AFF3: variants seen among roughly 807,000 people sequenced by gnomAD.
The protein encoded by AFF3 is ALF transcription elongation factor 3.
A neutral mutation model predicts 129.7 loss-of-function variants in AFF3; 32 were observed. The observed-to-expected ratio is 0.25, with a 90% CI of 0.19 to 0.33. The LOEUF (loss-of-function observed/expected upper bound fraction) is 0.33. Ranked by LOEUF, AFF3 falls within the 10% of genes least tolerant of loss-of-function variation. The pLI, the probability that AFF3 is intolerant of heterozygous loss-of-function variation, is 1.00. For missense variants in AFF3, 1,373 were observed against 1,592.0 expected, an observed-to-expected ratio of 0.86 and a Z score of 2.34; for synonymous variants, 644 against 635.4, an observed-to-expected ratio of 1.01 and a Z score of -0.20.
intron 10 of AFF3, among the ~76,000 whole-genome samples, chr2:99,730,301 T>C (rs545401389): frequency 1.3e-5 from 2 of 152,294 alleles, no homozygotes; most frequent in South Asian, 2.1e-4. Context: ...TTTAACGCAA[T>C]GTACAGAGGA....
At chr2:99,700,001 G>A (rs140302540) in intron 11 of AFF3, among the ~76,000 whole-genome samples, 2 of 152,328 alleles carry the variant, frequency 1.3e-5, no homozygotes, top group Non-Finnish European at 2.9e-5. Flanking sequence ...CTCATTTAGC[G>A]TGGAAGAAAG....
chr2:99,750,502 C>A (rs980684523), intron 9 of AFF3, among the ~76,000 whole-genome samples: 1 of 150,694 alleles, frequency 6.6e-6, no homozygotes, highest in Admixed American at 6.6e-5. Context: ...GTAGCCTCGA[C>A]CTCCTGGGCT....
chr2:99,570,722 A>AGGGCC (rs1412905695), intron 18 of AFF3, among the ~76,000 whole-genome samples: 1 of 152,030 alleles, frequency 6.6e-6, no homozygotes, highest in African/African-American at 2.4e-5. Context: ...AACCCACTTA[A>AGGGCC]TCATATTGCT....
At chr2:99,568,326 AG>A (rs1676162867) in intron 19 of AFF3, among the ~76,000 whole-genome samples, 1 of 152,382 alleles carries the variant, frequency 6.6e-6, no homozygotes, top group African/African-American at 2.4e-5. Flanking sequence ...TTTCCAAAAC[AG>A]GAGATCATCC....
intron 7 of AFF3, among the ~76,000 whole-genome samples, chr2:99,860,803 A>T (rs558518005): frequency 7.9e-5 from 12 of 152,320 alleles, no homozygotes; most frequent in Admixed American, 5.9e-4. Context: ...CACCTGACAT[A>T]TGTATATATT....
At chr2:100,026,216 TC>T (rs1684029546) in intron 4 of AFF3, among the ~76,000 whole-genome samples, 1 of 151,314 alleles carries the variant, frequency 6.6e-6, no homozygotes, top group Non-Finnish European at 1.5e-5. Flanking sequence ...AAACAAACAA[TC>T]CCATAAAAAA....
intron 7 of AFF3, among the ~76,000 whole-genome samples, chr2:99,861,051 AT>A (rs1404400302): frequency 1.3e-5 from 2 of 152,172 alleles, no homozygotes; most frequent in Non-Finnish European, 2.9e-5. Flanking sequence ...GAATTTAGTG[AT>A]TCTCTCCTTT....
intron 4 of AFF3, among the ~76,000 whole-genome samples, chr2:100,055,211 A>G (rs1686665649): frequency 6.6e-6 from 1 of 152,076 alleles, no homozygotes. Flanking sequence ...GAAGGCCTTT[A>G]TATTTTTTAC....
At chr2:99,553,789 C>A (rs1416132561) in intron 24 of AFF3, among the ~76,000 whole-genome samples, 2 of 151,818 alleles carry the variant, frequency 1.3e-5, no homozygotes, top group African/African-American at 4.8e-5. Context: ...TGGCACATGC[C>A]TGTAGTCCCA....
At chr2:99,891,329 T>A in intron 7 of AFF3, among the ~76,000 whole-genome samples, 1 of 152,054 alleles carries the variant, frequency 6.6e-6, no homozygotes, top group Non-Finnish European at 1.5e-5. Flanking sequence ...GTGAAAGGCG[T>A]GTTCCCAGCA....
intron 8 of AFF3, among the ~76,000 whole-genome samples, chr2:99,813,684 C>T (rs1484795568): frequency 1.3e-5 from 2 of 152,198 alleles, no homozygotes; most frequent in Non-Finnish European, 2.9e-5. Context: ...CCTACTTCTA[C>T]CTGGTTAGAG....
chr2:99,962,748 C>A (rs1020935504), intron 7 of AFF3, among the ~76,000 whole-genome samples: 1 of 150,868 alleles, frequency 6.6e-6, no homozygotes, highest in East Asian at 1.9e-4. Context: ...TTGTCTTTTC[C>A]GTTTTTTTTA....
At chr2:99,635,069 TATGA>T (rs903888148) in intron 13 of AFF3, among the ~76,000 whole-genome samples, 3 of 151,826 alleles carry the variant, frequency 2.0e-5, no homozygotes, top group African/African-American at 7.3e-5. Flanking sequence ...ACAACATATC[TATGA>T]ATATGATATA....
intron 13 of AFF3, 133 bp downstream of exon 13, chr2:99,649,493 G>C (rs923771281): frequency 1.0e-6 from 1 of 989,838 alleles, no homozygotes; most frequent in African/African-American, 1.6e-5. Context: ...ATAAATCCAA[G>C]CATGCAAAAT....
chr2:100,069,084 T>G (rs1559103033), intron 4 of AFF3, among the ~76,000 whole-genome samples: 2 of 115,028 alleles, frequency 1.7e-5, no homozygotes. Flanking sequence ...CTCTAGTTAT[T>G]TTTTTTTTAT....
At position 99,596,188 on chromosome 2, in the gene AFF3, C is replaced by T. The variant is rs950451065; in HGVS notation, c.1372-1899G>A. Reference sequence around the variant, plus strand: ...GTAGAAAGACAGATGGTTTTTGTACCTCTGAGTTCTGCGTAAATCATGACC... The same window carrying T: ...GTAGAAAGACAGATGGTTTTTGTACTTCTGAGTTCTGCGTAAATCATGACC... On this transcript the variant is annotated intron_variant, in intron 14 of 24. Transcript: ENST00000672756. Among the ~76,000 whole-genome samples, 5 of 152,270 alleles carry T rather than the reference C, an allele frequency of 3.3e-5. No homozygotes were observed. The East Asian group carries it at 5.8e-4, about 18-fold the overall frequency.
At chr2:99,895,349 GT>G (rs1367672045) in intron 7 of AFF3, among the ~76,000 whole-genome samples, 1 of 152,202 alleles carries the variant, frequency 6.6e-6, no homozygotes, top group Admixed American at 6.5e-5. Flanking sequence ...TTTTTAAAGT[GT>G]TTTTTAAGTT....
chr2:99,903,808 C>G (rs1011846477), intron 7 of AFF3, among the ~76,000 whole-genome samples: 3 of 152,120 alleles, frequency 2.0e-5, no homozygotes, highest in Non-Finnish European at 4.4e-5. Context: ...TTTATCATTG[C>G]TAACAACCTG....
chr2:99,943,915 ATT>A (rs113352017), intron 7 of AFF3, among the ~76,000 whole-genome samples: 26,292 of 147,510 alleles, frequency 0.18, 2,833 homozygotes, highest in African/African-American at 0.3. Flanking sequence ...CTGTATTCCA[ATT>A]TTTTTTTTTT....
Sources: gnomAD v4.1 joint callset for allele counts (sites outside exome capture counted in the v4.1 genomes callset) on GRCh38, gnomAD v4.1.1 for gene constraint, MANE v1.5 for transcripts, NCBI Gene and HGNC (gene_info 2026-07-23, HGNC 2026-07-21) for gene names.